MPIG6B: variants seen among roughly 807,000 people sequenced by gnomAD.
MPIG6B encodes immunoglobulin receptor.
A neutral mutation model predicts 24.2 loss-of-function variants in MPIG6B; 22 were observed. The ratio of observed to expected loss-of-function variants is 0.91; its 90% confidence interval spans 0.65 to 1.30. The LOEUF is 1.30. Among genes scored for constraint, MPIG6B ranks in the 50% most tolerant of loss-of-function variants. MPIG6B has a pLI of 0.00. For missense variants in MPIG6B, 301 were observed against 318.5 expected (o/e 0.94, Z 0.42); for synonymous variants, 136 against 142.0 (o/e 0.96, Z 0.30).
chr6:31,724,792 G>C lies in MPIG6B; in HGVS notation c.569G>C (p.Arg190Thr). 1.9e-6 allele frequency: 3 copies of C among 1,614,028 alleles called. No individual in the cohort carries two copies. Among genetic ancestry groups the C allele is most frequent in the Non-Finnish European group, 2.5e-6 (3 of 1,180,030 alleles). Residue 190 changes from arginine (R) to threonine (T), a missense_variant, in exon 5 of 6, where the codon AGG becomes ACG. Coordinates refer to ENST00000649779, the MANE Select transcript of MPIG6B (RefSeq NM_138272.3). ...FAPLVKTEPQ[R>T]PVKEEEPKIP... is the part of the protein sequence containing the mutation. ...CCACTTGTGAAAACCGAGCCCCAGAGGCCAGTAAAGGAGGAAGAGCCCAAG... is the reference window on the plus strand; with the variant it reads ...CCACTTGTGAAAACCGAGCCCCAGACGCCAGTAAAGGAGGAAGAGCCCAAG...
upstream of MPIG6B, chr6:31,721,527 T>G: frequency 1.9e-6 from 2 of 1,027,050 alleles, no homozygotes; most frequent in Non-Finnish European, 2.9e-6. Context: ...GGGCTGGGGG[T>G]GTTGGGATCC....
chr6:31,724,403 C>T, intron 3 of MPIG6B, 171 bp downstream of exon 3: 2 of 748,462 alleles, frequency 2.7e-6, no homozygotes, highest in Admixed American at 4.4e-5. Flanking sequence ...AGTAGAGCCC[C>T]ACCAGAGCAG....
In MPIG6B at chr6:31,725,444, C is replaced by A. The variant is rs1481627219; in HGVS notation, c.*370C>A. 5.1e-6 allele frequency: 1 copy of A among 194,884 alleles called. No homozygotes were observed. The highest frequency in any genetic ancestry group is 1.0e-5 in the Non-Finnish European group (1 of 96,042). 12.1% of individuals were successfully genotyped at this position (194,884 alleles called of 1,614,324 possible). ...CCGGGTTCACACCATTCTCCTGCCT[C>A]AGGCTCCTGAGTAGCTGGGACTACA... On this transcript the variant is annotated 3_prime_UTR_variant, in exon 6 of 6. Transcript: ENST00000649779. The surrounding 1 kb of genome is among the most constrained non-coding windows in gnomAD (Gnocchi z 5.2).
Position 31,724,857 on chromosome 6 carries a change from G to A in MPIG6B, c.621+13G>A. ...GGACCAGGAACCGGTAAGGGCATGG[G>A]GATGGGAAGGGGATAGCCAGAATCT... is the stretch of plus-strand genomic sequence containing the variant. On this transcript the variant is annotated intron_variant, in intron 5 of 5. Coordinates refer to ENST00000649779, the MANE Select transcript of MPIG6B (RefSeq NM_138272.3). 6.2e-7 allele frequency: 1 copy of A among 1,613,812 alleles called. No individual in the cohort carries two copies. Among genetic ancestry groups the A allele is most frequent in the Non-Finnish European group, 8.5e-7 (1 of 1,179,858 alleles).
At chr6:31,724,441 G>A in intron 3 of MPIG6B, 146 bp from the exon 4 acceptor site, 1 of 813,152 alleles carries the variant, frequency 1.2e-6, no homozygotes, top group Non-Finnish European at 2.1e-6. Context: ...CAGAGTTAGA[G>A]CCTGGGCTGG....
Position 31,723,994 on chromosome 6 carries a change from C to T in MPIG6B, c.409+8C>T, listed in dbSNP as rs749929656. The T allele has an allele frequency of 6.4e-7, 1 of 1,560,424 alleles. No homozygotes were observed. The highest frequency in any genetic ancestry group is 2.2e-5 in the East Asian group (1 of 44,446). On this transcript the variant is annotated splice_region_variant and intron_variant, in intron 2 of 5. Transcript: ENST00000649779. The surrounding 1 kb of genome is among the most constrained non-coding windows in gnomAD (Gnocchi z 4.3). ...CCCCCGGGCCTACCCATGGTAGGTG[C>T]AGGCCTGTGCGCACAAGGGTACTTA...
chr6:31,724,053 C>A, intron 2 of MPIG6B, 67 bp downstream of exon 2: 1 of 1,572,916 alleles, frequency 6.4e-7, no homozygotes, highest in South Asian at 1.2e-5. Context: ...GGAAGAGGGC[C>A]TTGGCTGGGG....
At chr6:31,724,376 G>T (rs1253956359) in intron 3 of MPIG6B, 144 bp downstream of exon 3, 4 of 796,888 alleles carry the variant, frequency 5.0e-6, no homozygotes, top group Non-Finnish European at 8.3e-6. Context: ...AGGTGGGAGC[G>T]AGGCCGCTGA....
In MPIG6B at chr6:31,724,950, TCCTC is replaced by T; in HGVS notation, c.622-17_622-14del. On this transcript the variant is annotated splice_polypyrimidine_tract_variant and intron_variant, in intron 5 of 5. Coordinates refer to ENST00000649779, the MANE Select transcript of MPIG6B (RefSeq NM_138272.3). Reference sequence around the variant, plus strand: ...GAAGACTGTGGAGACCATCTTGTCTTCCTCCCCTTCCTCCTCCAGAGCCTGCTCT... The same window carrying T: ...GAAGACTGTGGAGACCATCTTGTCTTCCCTTCCTCCTCCAGAGCCTGCTCT... 6.2e-7 allele frequency: 1 copy of T among 1,611,784 alleles called. No homozygotes were observed.
At position 31,725,327 on chromosome 6, in the gene MPIG6B, CT is replaced by C; in HGVS notation, c.*254del. On this transcript the variant is annotated 3_prime_UTR_variant, in exon 6 of 6. Coordinates refer to ENST00000649779, the MANE Select transcript of MPIG6B (RefSeq NM_138272.3). This position sits in a 1 kb window ranked among gnomAD's most constrained non-coding sequence, Gnocchi z 5.2. Reference sequence around the variant, plus strand: ...CTCTCTATACCCAATCAAGCCCTAGCTCCTTTTTTTTTTTTTTTTGAGACGG... The same window carrying C: ...CTCTCTATACCCAATCAAGCCCTAGCCCTTTTTTTTTTTTTTTTGAGACGG... 1 of 466,262 alleles carries C rather than the reference CT, an allele frequency of 2.1e-6. No individual in the cohort carries two copies. The highest frequency in any genetic ancestry group is 3.8e-5 in the South Asian group (1 of 26,050). The allele number at this position is 466,262 out of a possible 1,614,324, so 28.9% of individuals were successfully genotyped here. A position where few individuals can be genotyped will look rare whatever the true frequency, so the allele number is the denominator to read the frequency against.
chr6:31,721,917 G>T (rs536057526), upstream of MPIG6B: 1 of 517,156 alleles, frequency 1.9e-6, no homozygotes, highest in Admixed American at 3.3e-5. Context: ...AGGGATGGGG[G>T]AAGGCAGGTG....
At chr6:31,724,897 C>T in intron 5 of MPIG6B, 53 bp downstream of exon 5, 1 of 1,587,756 alleles carries the variant, frequency 6.3e-7, no homozygotes, top group South Asian at 1.2e-5. Context: ...GGAAAATGGA[C>T]CAAAAAAAAA....
chr6:31,725,712 C>G lies in MPIG6B; in HGVS notation c.*638C>G, dbSNP rs889585972. On this transcript the variant is annotated 3_prime_UTR_variant, in exon 6 of 6. Transcript: ENST00000649779. This position sits in a 1 kb window ranked among gnomAD's most constrained non-coding sequence, Gnocchi z 5.2. ...CTCCATATCCCTACAGTATTTCCCA[C>G]CATTCTAGGTTTGTCCCTTTCTCTT... 6.6e-6 allele frequency: 1 copy of G among 152,488 alleles called. No homozygotes were observed. The highest frequency in any genetic ancestry group is 2.4e-5 in the African/African-American group (1 of 41,426). 9.4% of individuals were successfully genotyped at this position (152,488 alleles called of 1,614,324 possible). A position where few individuals can be genotyped will look rare whatever the true frequency, so the allele number is the denominator to read the frequency against.
In MPIG6B at chr6:31,723,941, G is replaced by A. The variant is rs749928985; in HGVS notation, c.364G>A (p.Val122Met). The A allele has an allele frequency of 3.2e-6, 5 of 1,569,842 alleles. No individual in the cohort carries two copies. Among genetic ancestry groups the A allele is most frequent in the Non-Finnish European group, 4.3e-6 (5 of 1,156,520 alleles). ...GGACGAGAGCCGTACAGTGCTTCAC[G>A]TGCTGGGGGACAGGACCTATTGCAA... ...HEDESRTVLHVLGDRTYCKAP... is the reference protein window; with the variant it reads ...HEDESRTVLHMLGDRTYCKAP... The change falls in exon 2 of 6, where the codon GTG (valine) becomes ATG (methionine). Residue 122 changes from valine (V) to methionine (M), a missense_variant. Val to Met is a conservative substitution (Grantham distance 21). Transcript: ENST00000649779. The surrounding 1 kb of genome is among the most constrained non-coding windows in gnomAD (Gnocchi z 4.3).
chr6:31,720,794 A>T (rs1806734636), upstream of MPIG6B, among the ~76,000 whole-genome samples: 1 of 152,218 alleles, frequency 6.6e-6, no homozygotes, highest in African/African-American at 2.4e-5. This position sits in a 1 kb window ranked among gnomAD's most constrained non-coding sequence, Gnocchi z 4.9. Flanking sequence ...ATGATACCTG[A>T]GAGACAGATC....
rs748294601 is a variant in MPIG6B, at chr6:31,723,401, G to T, written c.18G>T (p.Gln6His). ...TCCTAACCATGGCTGTGTTTCTGCA[G>T]CTGCTACCGCTGCTGCTCTCGAGGG... MAVFL[Q>H]LLPLLLSRAQ... The change falls in exon 1 of 6, where the codon CAG (glutamine) becomes CAT (histidine). Residue 6 changes from glutamine to histidine, a missense_variant. Physicochemically the swap from Gln to His is conservative, Grantham distance 24 (BLOSUM62 0). Coordinates refer to ENST00000649779, the MANE Select transcript of MPIG6B (RefSeq NM_138272.3). This position sits in a 1 kb window ranked among gnomAD's most constrained non-coding sequence, Gnocchi z 4.3. 57 of 1,612,616 alleles carry T rather than the reference G, an allele frequency of 3.5e-5. No homozygotes were observed. Among genetic ancestry groups the T allele is most frequent in the Non-Finnish European group, 4.6e-5 (54 of 1,179,894 alleles).
chr6:31,723,462 G>A lies in MPIG6B; in HGVS notation c.61+18G>A. The A allele has an allele frequency of 6.2e-7, 1 of 1,609,710 alleles. No individual in the cohort carries two copies. The highest frequency in any genetic ancestry group is 8.5e-7 in the Non-Finnish European group (1 of 1,176,778). ...CCCTGGGGGTAAGCGATCCCTGGGAGAGTTGTGATAGACGCAGAGGGGCTG... is the reference window on the plus strand; with the variant it reads ...CCCTGGGGGTAAGCGATCCCTGGGAAAGTTGTGATAGACGCAGAGGGGCTG... On this transcript the variant is annotated intron_variant, in intron 1 of 5. Transcript: ENST00000649779. This position sits in a 1 kb window ranked among gnomAD's most constrained non-coding sequence, Gnocchi z 4.3.
At chr6:31,721,536 C>G, upstream of MPIG6B, 1 of 1,218,896 alleles carries the variant, frequency 8.2e-7, no homozygotes, top group Non-Finnish European at 1.2e-6. Flanking sequence ...GTGTTGGGAT[C>G]CCGAGTGGTG....
upstream of MPIG6B, chr6:31,723,302 ACGCCTAACTTCCCTCCGGTCCC>A (rs1399528086): frequency 2.3e-5 from 14 of 603,440 alleles, no homozygotes; most frequent in Non-Finnish European, 3.3e-5. This position sits in a 1 kb window ranked among gnomAD's most constrained non-coding sequence, Gnocchi z 4.3. Flanking sequence ...CGTTCTCCCC[ACGCCTAACTTCCCTCCGGTCCC>A]CCCCCAACCG....
Sources: gnomAD v4.1 joint callset for allele counts (sites outside exome capture counted in the v4.1 genomes callset) on GRCh38, gnomAD v4.1.1 for gene constraint, Gnocchi (gnomAD v3.1) non-coding constraint, MANE v1.5 for transcripts, NCBI Gene and HGNC (gene_info 2026-07-23, HGNC 2026-07-21) for gene names.